The following ZNF618 variants were observed in gnomAD, a reference collection of about 807,000 sequenced individuals.
The protein encoded by ZNF618 is zinc finger protein 618, also known as neural precursor cell expressed, developmentally down-regulated 10.
A neutral mutation model predicts 103.0 loss-of-function variants in ZNF618; 34 were observed. The ratio of observed to expected loss-of-function variants is 0.33; its 90% CI spans 0.25 to 0.44. The LOEUF is 0.44. Ranked by LOEUF, ZNF618 falls within the 20% of genes least tolerant of loss-of-function variation. ZNF618 has a pLI of 1.00. For missense variants in ZNF618, 1,059 were observed against 1,295.4 expected, an observed-to-expected ratio of 0.82 and a Z score of 2.80; for synonymous variants, 551 against 542.2, an observed-to-expected ratio of 1.02 and a Z score of -0.23.
intron 10 of ZNF618, among the ~76,000 whole-genome samples, chr9:114,020,114 C>A (rs1842952945): frequency 1.3e-5 from 2 of 152,146 alleles, no homozygotes; most frequent in Non-Finnish European, 2.9e-5. Flanking sequence ...TTCCCTATTG[C>A]ATTGCACTGG....
At chr9:113,889,001 C>T (rs1019064201) in intron 1 of ZNF618, among the ~76,000 whole-genome samples, 22 of 152,178 alleles carry the variant, frequency 1.4e-4, no homozygotes, top group African/African-American at 4.3e-4. Context: ...AAAAATCCTC[C>T]AATCAGCGCC....
At chr9:114,004,210 T>A (rs1277411482) in intron 6 of ZNF618, among the ~76,000 whole-genome samples, 1 of 152,228 alleles carries the variant, frequency 6.6e-6, no homozygotes, top group African/African-American at 2.4e-5. Flanking sequence ...TGGATTCTTA[T>A]GCCAAAGGAG....
intron 10 of ZNF618, chr9:114,027,944 G>C (rs1487252958): frequency 6.6e-6 from 1 of 152,274 alleles, no homozygotes; most frequent in Non-Finnish European, 1.5e-5. Context: ...TCATTCATGA[G>C]AATGAGGCCA....
At chr9:113,930,828 A>G (rs1833515832) in intron 1 of ZNF618, among the ~76,000 whole-genome samples, 1 of 152,186 alleles carries the variant, frequency 6.6e-6, no homozygotes, top group African/African-American at 2.4e-5. Context: ...TTCTGGGCTC[A>G]GGACTGTGAT....
At chr9:114,019,456 C>T (rs1378190937) in intron 10 of ZNF618, among the ~76,000 whole-genome samples, 2 of 152,186 alleles carry the variant, frequency 1.3e-5, no homozygotes, top group Non-Finnish European at 2.9e-5. Context: ...TCACTCCTGC[C>T]AGCTGTGCCT....
At chr9:114,042,237 A>T (rs1024613816) in intron 13 of ZNF618, among the ~76,000 whole-genome samples, 4 of 152,254 alleles carry the variant, frequency 2.6e-5, no homozygotes, top group Non-Finnish European at 5.9e-5. Context: ...TTACCAACTT[A>T]ATAGGTTTCT....
chr9:113,964,593 T>G (rs1837184900), intron 1 of ZNF618, among the ~76,000 whole-genome samples: 1 of 152,142 alleles, frequency 6.6e-6, no homozygotes. Flanking sequence ...CTTCATCTTT[T>G]GCAGCAGGTT....
chr9:114,036,268 C>T, intron 12 of ZNF618, 32 bp from the exon 13 acceptor site: 1 of 1,553,402 alleles, frequency 6.4e-7, no homozygotes, highest in South Asian at 1.2e-5. Flanking sequence ...TCGGTTCCAC[C>T]CCTCACGTGG....
chr9:114,047,848 C>A (rs1476126003), intron 13 of ZNF618, 45 bp from the exon 14 acceptor site: 4 of 1,519,068 alleles, frequency 2.6e-6, no homozygotes, highest in Admixed American at 3.9e-5. Context: ...CCTCAACAGG[C>A]CTCTTACCCT....
At chr9:113,919,036 G>T (rs956544388) in intron 1 of ZNF618, among the ~76,000 whole-genome samples, 3 of 152,228 alleles carry the variant, frequency 2.0e-5, no homozygotes, top group Admixed American at 2.0e-4. Flanking sequence ...CAGTTTAGGA[G>T]GGGAGGGGCT....
At chr9:113,972,309 A>G (rs1036292237) in intron 2 of ZNF618, among the ~76,000 whole-genome samples, 6 of 152,192 alleles carry the variant, frequency 3.9e-5, no homozygotes, top group African/African-American at 1.4e-4. Context: ...TTGGCCTCCC[A>G]AAGTGCTGGG....
intron 2 of ZNF618, among the ~76,000 whole-genome samples, chr9:113,978,788 T>G (rs1838716452): frequency 6.6e-6 from 1 of 152,192 alleles, no homozygotes; most frequent in Non-Finnish European, 1.5e-5. Context: ...ACTCTGTTTC[T>G]CCAGTCCTTG....
intron 1 of ZNF618, among the ~76,000 whole-genome samples, chr9:113,938,136 T>A (rs548936862): frequency 1.3e-5 from 2 of 151,638 alleles, no homozygotes; most frequent in Non-Finnish European, 1.5e-5. Flanking sequence ...TTTAGGTCTT[T>A]GATGTTTTTA....
Position 114,028,719 on chromosome 9 carries a change from C to T in ZNF618, c.845-14C>T, listed in dbSNP as rs944921177. ...TGGGAGGGCCCTCGGGGACTGAGAGCGTGACCCTCTCAGGTACTGCCCCCG... is the reference window on the plus strand; with the variant it reads ...TGGGAGGGCCCTCGGGGACTGAGAGTGTGACCCTCTCAGGTACTGCCCCCG... On this transcript the variant is annotated splice_polypyrimidine_tract_variant and intron_variant, in intron 10 of 14. Coordinates refer to ENST00000374126, the MANE Select transcript of ZNF618 (RefSeq NM_001318042.2). 16 of 1,547,000 alleles carry T rather than the reference C, an allele frequency of 1.0e-5. No individual in the cohort carries two copies. Among genetic ancestry groups the T allele is most frequent in the South Asian group, 3.6e-5 (3 of 83,854 alleles).
chr9:113,981,942 G>A (rs955150016), intron 2 of ZNF618, among the ~76,000 whole-genome samples: 1 of 152,202 alleles, frequency 6.6e-6, no homozygotes, highest in African/African-American at 2.4e-5. Context: ...CGGAGCTCTT[G>A]TCAATGCCAA....
At chr9:114,043,597 T>C (rs1402749390) in intron 13 of ZNF618, among the ~76,000 whole-genome samples, 1 of 152,248 alleles carries the variant, frequency 6.6e-6, no homozygotes, top group Non-Finnish European at 1.5e-5. Context: ...GTGGTAGATC[T>C]ACTTTTAGGT....
chr9:113,908,370 T>C (rs1293407874), intron 1 of ZNF618, among the ~76,000 whole-genome samples: 2 of 152,160 alleles, frequency 1.3e-5, no homozygotes, highest in African/African-American at 4.8e-5. Context: ...GGGAGGACCA[T>C]ATTATGACTT....
intron 1 of ZNF618, among the ~76,000 whole-genome samples, chr9:113,922,749 T>C (rs1270562871): frequency 1.3e-5 from 2 of 152,218 alleles, no homozygotes; most frequent in Non-Finnish European, 2.9e-5. Flanking sequence ...CCTCCAACTT[T>C]ATTGTTGTTC....
At chr9:114,010,879 T>G (rs1450390690) in intron 9 of ZNF618, among the ~76,000 whole-genome samples, 2 of 152,162 alleles carry the variant, frequency 1.3e-5, no homozygotes, top group Non-Finnish European at 2.9e-5. Flanking sequence ...AAGATGGGCT[T>G]TGAAATCAGA....
Sources: gnomAD v4.1 joint callset for allele counts (sites outside exome capture counted in the v4.1 genomes callset) on GRCh38, gnomAD v4.1.1 for gene constraint, MANE v1.5 for transcripts, NCBI Gene and HGNC (gene_info 2026-07-23, HGNC 2026-07-21) for gene names.